Variants in DLGAP1 observed in about 807,000 individuals in gnomAD.
DLGAP1 encodes the protein DLG associated protein 1.
A neutral mutation model predicts 90.8 loss-of-function variants in DLGAP1; 11 were observed. The ratio of observed to expected loss-of-function variants is 0.12; its 90% confidence interval spans 0.08 to 0.20. The LOEUF (loss-of-function observed/expected upper bound fraction) is 0.20, where lower values mean the gene tolerates loss of function less well. Ranked by LOEUF, DLGAP1 falls within the 10% of genes least tolerant of loss-of-function variation. The pLI is 1.00. For synonymous variants in DLGAP1, 558 were observed against 540.7 expected (o/e 1.03, Z -0.44); for missense variants, 1,050 against 1,333.8 (o/e 0.79, Z 3.31).
chr18:4,178,162 C>T (rs8092232), intron 1 of DLGAP1, among the ~76,000 whole-genome samples: 60,870 of 148,366 alleles, frequency 0.41, 12,938 homozygotes, highest in East Asian at 0.69. Flanking sequence ...ACTCTCTCTT[C>T]CTTATCTCTA....
intron 2 of DLGAP1, among the ~76,000 whole-genome samples, chr18:4,048,105 C>A (rs2075082159): frequency 6.6e-6 from 1 of 152,176 alleles, no homozygotes; most frequent in Non-Finnish European, 1.5e-5. Context: ...GTCCTAAAAA[C>A]TTCTTTTTGA....
chr18:3,651,840 G>A (rs1005776207), intron 7 of DLGAP1, among the ~76,000 whole-genome samples: 46 of 151,702 alleles, frequency 3.0e-4, no homozygotes, highest in African/African-American at 1.0e-3. Context: ...GCGTGGTGGC[G>A]GGCACCTGTA....
intron 7 of DLGAP1, among the ~76,000 whole-genome samples, chr18:3,629,549 G>A (rs1374612480): frequency 6.6e-6 from 1 of 151,874 alleles, no homozygotes; most frequent in Non-Finnish European, 1.5e-5. Context: ...GTGGGCGCCT[G>A]TAGTCCCAGC....
chr18:4,422,014 T>C (rs2083048078), intron 1 of DLGAP1, among the ~76,000 whole-genome samples: 2 of 152,134 alleles, frequency 1.3e-5, no homozygotes, highest in African/African-American at 4.8e-5. Flanking sequence ...ATGCCTGGCC[T>C]GCATATTGCC....
intron 1 of DLGAP1, among the ~76,000 whole-genome samples, chr18:4,305,083 T>TAAAGAGGTTA (rs2080216664): frequency 6.6e-6 from 1 of 152,154 alleles, no homozygotes; most frequent in African/African-American, 2.4e-5. Flanking sequence ...AACAATATTT[T>TAAAGAGGTTA]TGTTCCTATC....
At chr18:4,262,213 G>C (rs936351120) in intron 1 of DLGAP1, among the ~76,000 whole-genome samples, 1 of 152,196 alleles carries the variant, frequency 6.6e-6, no homozygotes. Flanking sequence ...CTGCAGAGAA[G>C]CAGGATACAG....
chr18:3,702,201 G>A (rs2061304164), intron 7 of DLGAP1, among the ~76,000 whole-genome samples: 1 of 152,148 alleles, frequency 6.6e-6, no homozygotes, highest in Non-Finnish European at 1.5e-5. Flanking sequence ...ACAGGCGTCT[G>A]CCACCACGCC....
At chr18:4,218,026 C>G (rs1179883998) in intron 1 of DLGAP1, among the ~76,000 whole-genome samples, 1 of 151,478 alleles carries the variant, frequency 6.6e-6, no homozygotes, top group Non-Finnish European at 1.5e-5. Flanking sequence ...ATGTTATCTT[C>G]TAGAAGTTTT....
intron 1 of DLGAP1, among the ~76,000 whole-genome samples, chr18:4,354,686 A>G (rs2081469174): frequency 1.3e-5 from 2 of 151,890 alleles, no homozygotes; most frequent in African/African-American, 4.8e-5. Flanking sequence ...TTTTGCCCCT[A>G]CACTGCTCCT....
chr18:4,086,980 C>T (rs1326151768), intron 2 of DLGAP1, among the ~76,000 whole-genome samples: 2 of 149,926 alleles, frequency 1.3e-5, no homozygotes, highest in Admixed American at 1.3e-4. Flanking sequence ...ATTTAATACT[C>T]TTCTGCATCT....
chr18:3,533,778 T>G (rs1168091751), intron 10 of DLGAP1, among the ~76,000 whole-genome samples: 1 of 152,124 alleles, frequency 6.6e-6, no homozygotes, highest in African/African-American at 2.4e-5. Context: ...AAAAGAATTT[T>G]TGTGGGTATA....
chr18:3,881,544 C>A (rs1208790352), intron 3 of DLGAP1, among the ~76,000 whole-genome samples: 1 of 152,150 alleles, frequency 6.6e-6, no homozygotes, highest in Non-Finnish European at 1.5e-5. Flanking sequence ...TCATTATGTA[C>A]CCCGACCTAG....
intron 9 of DLGAP1, among the ~76,000 whole-genome samples, chr18:3,560,285 G>C (rs1247073148): frequency 6.6e-6 from 1 of 151,992 alleles, no homozygotes; most frequent in Admixed American, 6.6e-5. Flanking sequence ...TGGGTGTGGT[G>C]GTGTGTGCCT....
At chr18:3,735,745 A>T (rs577548939) in intron 6 of DLGAP1, among the ~76,000 whole-genome samples, 1 of 152,288 alleles carries the variant, frequency 6.6e-6, no homozygotes, top group African/African-American at 2.4e-5. Context: ...GTAATCATAA[A>T]ACGGTAACTA....
At chr18:3,931,591 G>T (rs1484523852) in intron 3 of DLGAP1, among the ~76,000 whole-genome samples, 1 of 152,152 alleles carries the variant, frequency 6.6e-6, no homozygotes, top group Non-Finnish European at 1.5e-5. Context: ...TATGCACAAG[G>T]TAATTCAAAT....
At chr18:3,980,675 C>T (rs1325583081) in intron 3 of DLGAP1, among the ~76,000 whole-genome samples, 5 of 151,996 alleles carry the variant, frequency 3.3e-5, no homozygotes, top group African/African-American at 9.7e-5. Context: ...TCTAGGGTCC[C>T]GATAGTTTGT....
At chr18:3,989,860 C>T (rs1315791704) in intron 3 of DLGAP1, among the ~76,000 whole-genome samples, 2 of 152,140 alleles carry the variant, frequency 1.3e-5, no homozygotes, top group African/African-American at 4.8e-5. Context: ...GACATTTATG[C>T]AGCCAAAAGA....
At chr18:4,096,182 C>T (rs770477763) in intron 2 of DLGAP1, among the ~76,000 whole-genome samples, 13 of 152,194 alleles carry the variant, frequency 8.5e-5, no homozygotes, top group Non-Finnish European at 8.8e-5. Flanking sequence ...TGTGCCACTA[C>T]GCTTGGCTAT....
intron 12 of DLGAP1, 171 bp downstream of exon 12, chr18:3,502,322 A>C: frequency 7.3e-7 from 1 of 1,377,400 alleles, no homozygotes; most frequent in Non-Finnish European, 9.4e-7. Context: ...AACATATTAC[A>C]GATAATATCC....
Sources: gnomAD v4.1 joint callset for allele counts (sites outside exome capture counted in the v4.1 genomes callset) on GRCh38, gnomAD v4.1.1 for gene constraint, MANE v1.5 for transcripts, NCBI Gene and HGNC (gene_info 2026-07-23, HGNC 2026-07-21) for gene names.